The following CREB5 variants were observed in gnomAD, a reference collection of about 807,000 sequenced individuals.
CREB5 encodes cAMP responsive element binding protein 5, also known as cyclic AMP-responsive element-binding protein 5.
A neutral mutation model predicts 57.1 loss-of-function variants in CREB5; 19 were observed. The ratio of observed to expected loss-of-function variants is 0.33; its 90% CI spans 0.23 to 0.49. The LOEUF (loss-of-function observed/expected upper bound fraction) is 0.49. Among genes scored for constraint, CREB5 ranks in the 20% least tolerant of loss-of-function variants. The pLI is 0.99. For synonymous variants in CREB5, 238 were observed against 238.3 expected (o/e 1.00, Z 0.01); for missense variants, 579 against 671.6 (o/e 0.86, Z 1.52).
intron 1 of CREB5, among the ~76,000 whole-genome samples, chr7:28,402,345 A>G (rs1787485535): frequency 6.6e-6 from 1 of 152,174 alleles, no homozygotes; most frequent in Admixed American, 6.6e-5. Flanking sequence ...TGGAACCAAA[A>G]AAGAGCCCGC....
chr7:28,551,967 T>TC (rs1384987334), intron 4 of CREB5, among the ~76,000 whole-genome samples: 1 of 139,230 alleles, frequency 7.2e-6, no homozygotes, highest in African/African-American at 2.8e-5. Context: ...CTCTTTTTTA[T>TC]TCTCTCTTTC....
intron 5 of CREB5, among the ~76,000 whole-genome samples, chr7:28,574,168 G>GA (rs1258863205): frequency 1.3e-5 from 2 of 152,090 alleles, no homozygotes; most frequent in East Asian, 3.9e-4. Context: ...TTCCCAGATG[G>GA]AAAAAAAGAG....
chr7:28,658,961 A>ATATATATATATATATATATG (rs1799460065), intron 5 of CREB5, among the ~76,000 whole-genome samples: 1 of 136,802 alleles, frequency 7.3e-6, no homozygotes, highest in Non-Finnish European at 1.6e-5. Flanking sequence ...GTGTATATAT[A>ATATATATATATATATATATG]TATATATATA....
chr7:28,447,751 C>A (rs1789557996), intron 1 of CREB5, among the ~76,000 whole-genome samples: 1 of 152,124 alleles, frequency 6.6e-6, no homozygotes, highest in African/African-American at 2.4e-5. Context: ...CAAAATGTGG[C>A]TTCTGATGAC....
chr7:28,633,245 C>A (rs1436761790), intron 5 of CREB5, among the ~76,000 whole-genome samples: 3 of 152,166 alleles, frequency 2.0e-5, no homozygotes, highest in Admixed American at 2.0e-4. Context: ...CTTTTATCCA[C>A]TCTATGGGAT....
chr7:28,599,644 C>T (rs1215327308), intron 5 of CREB5, among the ~76,000 whole-genome samples: 1 of 152,206 alleles, frequency 6.6e-6, no homozygotes, highest in Non-Finnish European at 1.5e-5. Flanking sequence ...TGCACTGCTG[C>T]AAATTAGTAA....
chr7:28,429,707 C>T (rs1219067743), intron 1 of CREB5, among the ~76,000 whole-genome samples: 1 of 152,168 alleles, frequency 6.6e-6, no homozygotes, highest in African/African-American at 2.4e-5. Flanking sequence ...TAATGAAAAT[C>T]CCCCATCTCC....
intron 4 of CREB5, among the ~76,000 whole-genome samples, chr7:28,531,647 G>A (rs373531843): frequency 6.6e-5 from 10 of 152,292 alleles, no homozygotes; most frequent in African/African-American, 2.4e-4. Context: ...AATGCAACAC[G>A]TAACACCATC....
intron 4 of CREB5, among the ~76,000 whole-genome samples, chr7:28,515,335 A>G (rs1031899093): frequency 6.6e-6 from 1 of 152,278 alleles, no homozygotes; most frequent in East Asian, 1.9e-4. Flanking sequence ...TTTTGGATGT[A>G]TCCACTCTTA....
intron 7 of CREB5, among the ~76,000 whole-genome samples, chr7:28,777,434 T>TA (rs775938085): frequency 1.3e-5 from 2 of 152,238 alleles, no homozygotes; most frequent in Non-Finnish European, 2.9e-5. Context: ...ATGTTTATTT[T>TA]ATCATCTAAA....
intron 1 of CREB5, among the ~76,000 whole-genome samples, chr7:28,390,206 G>T (rs1431890123): frequency 6.6e-6 from 1 of 152,104 alleles, no homozygotes; most frequent in Non-Finnish European, 1.5e-5. Context: ...TGATGAATCA[G>T]ACTTTTAATA....
At position 28,551,320 on chromosome 7, in the gene CREB5, T is replaced by G. The variant is rs1263672052; in HGVS notation, c.292-19045T>G. On this transcript the variant is annotated intron_variant, in intron 4 of 10. Transcript: ENST00000357727. Reference sequence around the variant, plus strand: ...AGAGTTTTAAAAGTTAATGGCTTCTTTTGGAAACAGAATAGTTCGTGTTTC... The same window carrying G: ...AGAGTTTTAAAAGTTAATGGCTTCTGTTGGAAACAGAATAGTTCGTGTTTC... Among the ~76,000 whole-genome samples the G allele has an allele frequency of 3.9e-5, 6 of 152,326 alleles. No individual in the cohort carries two copies. In the East Asian group the frequency reaches 1.2e-3, roughly 29 times the overall value.
chr7:28,560,849 TGTGTGTGTGCGTGTGCCTGCGTGCGC>T (rs1795104417), intron 4 of CREB5, among the ~76,000 whole-genome samples: 1 of 87,052 alleles, frequency 1.1e-5, no homozygotes, highest in Admixed American at 1.0e-4. Flanking sequence ...TGTGTGCGCG[TGTGTGTGTGCGTGTGCCTGCGTGCGC>T]GTGCGTGCGT....
intron 4 of CREB5, among the ~76,000 whole-genome samples, chr7:28,535,452 A>C (rs73301122): frequency 0.054 from 6,541 of 122,164 alleles, 1,246 homozygotes; most frequent in African/African-American, 0.18. Context: ...GAAGGAAAAA[A>C]TGGGAGTAGA....
intron 1 of CREB5, among the ~76,000 whole-genome samples, chr7:28,333,693 A>T (rs1464211836): frequency 6.6e-6 from 1 of 152,172 alleles, no homozygotes; most frequent in African/African-American, 2.4e-5. Flanking sequence ...AATTCCCTCA[A>T]GTTCCATCTA....
chr7:28,375,180 A>T (rs1179149644), intron 1 of CREB5, among the ~76,000 whole-genome samples: 1 of 152,250 alleles, frequency 6.6e-6, no homozygotes, highest in Non-Finnish European at 1.5e-5. Flanking sequence ...TAGAAAAAAA[A>T]GTTTGGGACA....
At chr7:28,648,021 G>A (rs1216911399) in intron 5 of CREB5, among the ~76,000 whole-genome samples, 1 of 152,228 alleles carries the variant, frequency 6.6e-6, no homozygotes, top group Non-Finnish European at 1.5e-5. Flanking sequence ...GGACACAGCA[G>A]ATCTAGATGA....
At chr7:28,592,707 C>A (rs1796565950) in intron 5 of CREB5, among the ~76,000 whole-genome samples, 1 of 152,174 alleles carries the variant, frequency 6.6e-6, no homozygotes. Flanking sequence ...GTGGCCTGTT[C>A]TTCCCAAATG....
intron 1 of CREB5, among the ~76,000 whole-genome samples, chr7:28,477,771 G>A (rs1273771295): frequency 1.3e-5 from 2 of 152,138 alleles, no homozygotes; most frequent in Non-Finnish European, 2.9e-5. Flanking sequence ...AGTTGAGAAA[G>A]ATATGAAGGA....
Sources: gnomAD v4.1 joint callset for allele counts (sites outside exome capture counted in the v4.1 genomes callset) on GRCh38, gnomAD v4.1.1 for gene constraint, MANE v1.5 for transcripts, NCBI Gene and HGNC (gene_info 2026-07-23, HGNC 2026-07-21) for gene names.